The following DLG2 variants were observed in gnomAD, a reference collection of about 807,000 sequenced individuals.
The protein encoded by DLG2 is discs large MAGUK scaffold protein 2, also known as disks large homolog 2.
In DLG2, 45 loss-of-function variants were observed where a neutral mutation model predicts 132.5. The observed-to-expected ratio is 0.34, with a 90% CI of 0.27 to 0.44. DLG2 has a LOEUF of 0.44. DLG2 is among the 20% of genes least tolerant of loss of function. The pLI, the probability that DLG2 is intolerant of heterozygous loss-of-function variation, is 1.00. For missense variants in DLG2, 1,045 were observed against 1,196.9 expected (o/e 0.87, Z 1.87); for synonymous variants, 424 against 419.6 (o/e 1.01, Z -0.13).
At chr11:84,298,760 T>C (rs2098120738) in intron 7 of DLG2, among the ~76,000 whole-genome samples, 4 of 151,924 alleles carry the variant, frequency 2.6e-5, no homozygotes, top group Admixed American at 1.3e-4. Flanking sequence ...AACACAGAAA[T>C]AGAGTCATTA....
chr11:83,677,395 G>A (rs558363009), intron 18 of DLG2, among the ~76,000 whole-genome samples: 3 of 152,218 alleles, frequency 2.0e-5, no homozygotes, highest in Admixed American at 6.5e-5. Context: ...CATACTATGC[G>A]TTAAGTATTT....
chr11:83,485,033 T>C (rs2093414967), intron 21 of DLG2, among the ~76,000 whole-genome samples: 1 of 152,124 alleles, frequency 6.6e-6, no homozygotes, highest in Non-Finnish European at 1.5e-5. Flanking sequence ...CCAAAATCTG[T>C]TAAAATTGCT....
intron 3 of DLG2, among the ~76,000 whole-genome samples, chr11:85,514,446 T>G (rs1432268466): frequency 6.6e-6 from 1 of 151,984 alleles, no homozygotes; most frequent in Non-Finnish European, 1.5e-5. Flanking sequence ...TTCAATACAA[T>G]TCAACTTTCA....
At chr11:84,637,739 G>C (rs1416390089) in intron 6 of DLG2, among the ~76,000 whole-genome samples, 1 of 152,202 alleles carries the variant, frequency 6.6e-6, no homozygotes, top group Non-Finnish European at 1.5e-5. Flanking sequence ...TTGAACTCTG[G>C]TTTAGATCTG....
intron 19 of DLG2, among the ~76,000 whole-genome samples, chr11:83,629,382 G>A (rs1487401421): frequency 6.6e-6 from 1 of 152,118 alleles, no homozygotes; most frequent in African/African-American, 2.4e-5. Context: ...AAATCGATAC[G>A]TTTTATTAAC....
intron 20 of DLG2, among the ~76,000 whole-genome samples, chr11:83,540,852 C>G (rs2096047956): frequency 6.6e-6 from 1 of 152,084 alleles, no homozygotes; most frequent in Admixed American, 6.6e-5. Flanking sequence ...TGTACTATAT[C>G]TAGTCTCTGG....
chr11:84,593,443 C>A (rs1200412612), intron 6 of DLG2, among the ~76,000 whole-genome samples: 1 of 152,154 alleles, frequency 6.6e-6, no homozygotes, highest in Non-Finnish European at 1.5e-5. Context: ...CACATATACA[C>A]CATGGAATAC....
intron 3 of DLG2, among the ~76,000 whole-genome samples, chr11:85,398,014 C>A (rs2087591087): frequency 6.6e-6 from 1 of 152,118 alleles, no homozygotes. Flanking sequence ...CTAAAATTGA[C>A]CACATAATTG....
chr11:84,428,250 T>A (rs925768163), intron 7 of DLG2, among the ~76,000 whole-genome samples: 1 of 152,208 alleles, frequency 6.6e-6, no homozygotes, highest in Non-Finnish European at 1.5e-5. Flanking sequence ...GCTGAATCCA[T>A]GTGTTTATCA....
At chr11:84,717,931 A>C (rs1596420448) in intron 6 of DLG2, among the ~76,000 whole-genome samples, 1 of 152,092 alleles carries the variant, frequency 6.6e-6, no homozygotes, top group Non-Finnish European at 1.5e-5. Context: ...ACTTACATAA[A>C]TCATATCAAT....
At chr11:85,280,401 T>C (rs72950141) in intron 4 of DLG2, among the ~76,000 whole-genome samples, 3,950 of 152,166 alleles carry the variant, frequency 0.026, 88 homozygotes, top group East Asian at 0.096. Context: ...ACAATGGCCA[T>C]GTAACTAGCA....
chr11:85,014,925 G>A (rs961388417), intron 6 of DLG2, among the ~76,000 whole-genome samples: 3 of 152,084 alleles, frequency 2.0e-5, no homozygotes, highest in Admixed American at 1.3e-4. Flanking sequence ...GTCTCCTATC[G>A]CCACTCTTCT....
At chr11:84,388,032 C>A (rs984479577) in intron 7 of DLG2, among the ~76,000 whole-genome samples, 3 of 152,154 alleles carry the variant, frequency 2.0e-5, no homozygotes, top group Non-Finnish European at 4.4e-5. Flanking sequence ...AGTTAATGCT[C>A]CCCCTTTTCT....
chr11:83,937,996 A>T (rs75089407), intron 14 of DLG2, among the ~76,000 whole-genome samples: 1,900 of 152,346 alleles, frequency 0.012, 16 homozygotes, highest in Middle Eastern at 0.099. Context: ...AATAAAAAAT[A>T]TGTACAAAAG....
chr11:83,715,678 A>G (rs907989319), intron 18 of DLG2, among the ~76,000 whole-genome samples: 1 of 152,218 alleles, frequency 6.6e-6, no homozygotes, highest in African/African-American at 2.4e-5. Flanking sequence ...TCAACTGGGC[A>G]TAACGATTGT....
chr11:84,596,190 GTCTCTCTCTC>G (rs59824224), intron 6 of DLG2, among the ~76,000 whole-genome samples: 15 of 144,826 alleles, frequency 1.0e-4, no homozygotes, highest in Middle Eastern at 3.5e-3. Flanking sequence ...TCTTTTCTCT[GTCTCTCTCTC>G]TCTCTCTCTC....
At chr11:84,131,504 T>C (rs1026511921) in intron 9 of DLG2, among the ~76,000 whole-genome samples, 5 of 151,976 alleles carry the variant, frequency 3.3e-5, no homozygotes, top group East Asian at 1.9e-4. Flanking sequence ...TTTCACCCTA[T>C]AGAATTTCAT....
chr11:83,769,844 CG>C, intron 18 of DLG2, among the ~76,000 whole-genome samples: 1 of 152,142 alleles, frequency 6.6e-6, no homozygotes, highest in East Asian at 1.9e-4. Context: ...GGATTACAGG[CG>C]TGAGCCACTG....
At chr11:83,635,666 C>G (rs2064617731) in intron 18 of DLG2, among the ~76,000 whole-genome samples, 1 of 152,102 alleles carries the variant, frequency 6.6e-6, no homozygotes, top group South Asian at 2.1e-4. Context: ...AGACTTTTCC[C>G]CCCTTTTTAA....
Sources: allele counts gnomAD v4.1 joint callset (sites outside exome capture counted in the v4.1 genomes callset), GRCh38; gene constraint gnomAD v4.1.1; transcripts MANE v1.5; gene names NCBI Gene and HGNC (gene_info 2026-07-23, HGNC 2026-07-21).